Variants in HMGCLL1 observed in about 807,000 individuals in gnomAD.
The protein encoded by HMGCLL1 is 3-hydroxymethyl-3-methylglutaryl-CoA lyase, cytoplasmic.
HMGCLL1 carries 36 observed loss-of-function variants against 39.1 expected under a neutral mutation model. That is an observed-to-expected ratio of 0.92 (90% CI 0.71 to 1.22). The LOEUF is 1.22. Ranked by LOEUF, HMGCLL1 falls within the 50% of genes most tolerant of loss-of-function variation. The pLI, the probability that HMGCLL1 is intolerant of heterozygous loss-of-function variation, is 0.00. For missense variants in HMGCLL1, 451 were observed against 416.5 expected (o/e 1.08, Z -0.72); for synonymous variants, 149 against 144.0 (o/e 1.03, Z -0.25).
chr6:55,538,600 G>C (rs538360557), intron 3 of HMGCLL1, among the ~76,000 whole-genome samples: 2 of 152,030 alleles, frequency 1.3e-5, no homozygotes, highest in Non-Finnish European at 2.9e-5. Flanking sequence ...CATTATACAG[G>C]ACCAAATACA....
chr6:55,456,868 A>C (rs952659406), intron 7 of HMGCLL1, among the ~76,000 whole-genome samples: 1 of 152,122 alleles, frequency 6.6e-6, no homozygotes. Context: ...GTGCCTCCTT[A>C]ACAGTGAAGC....
chr6:55,521,592 T>A (rs757872673), intron 3 of HMGCLL1, among the ~76,000 whole-genome samples: 6 of 152,078 alleles, frequency 3.9e-5, no homozygotes, highest in Non-Finnish European at 8.8e-5. Flanking sequence ...CACTGATCTT[T>A]GATTTTACTA....
At chr6:55,500,276 G>T (rs747043463) in intron 5 of HMGCLL1, among the ~76,000 whole-genome samples, 5 of 151,916 alleles carry the variant, frequency 3.3e-5, no homozygotes, top group African/African-American at 4.8e-5. Context: ...AAATTATTAC[G>T]TAAGGTAGTG....
At chr6:55,454,112 A>T (rs556044314) in intron 7 of HMGCLL1, among the ~76,000 whole-genome samples, 12 of 152,242 alleles carry the variant, frequency 7.9e-5, no homozygotes, top group South Asian at 6.2e-4. Context: ...GAGTGATTTC[A>T]TGTCTTTGGT....
chr6:55,607,593 A>C, the HMGCLL1 span, among the ~76,000 whole-genome samples: 1 of 152,278 alleles, frequency 6.6e-6, no homozygotes, highest in Admixed American at 6.5e-5. Context: ...AAGGAAATAA[A>C]GGACCAGCAT....
chr6:55,525,714 T>C (rs1768282170), intron 3 of HMGCLL1, among the ~76,000 whole-genome samples: 1 of 151,950 alleles, frequency 6.6e-6, no homozygotes, highest in Non-Finnish European at 1.5e-5. Flanking sequence ...ATATTCTGTA[T>C]TGGCCCCAAT....
At chr6:55,497,633 G>A (rs527766883) in intron 6 of HMGCLL1, among the ~76,000 whole-genome samples, 37 of 152,150 alleles carry the variant, frequency 2.4e-4, no homozygotes, top group Admixed American at 5.2e-4. Flanking sequence ...CAAAGAAACA[G>A]GATTCTAAGA....
the HMGCLL1 span, among the ~76,000 whole-genome samples, chr6:55,646,922 A>C: frequency 2.6e-5 from 4 of 151,520 alleles, no homozygotes; most frequent in African/African-American, 9.7e-5. Context: ...AGTGTAGATT[A>C]AGTATGATAT....
At chr6:55,440,820 G>C (rs1409119776) in intron 7 of HMGCLL1, among the ~76,000 whole-genome samples, 1 of 152,082 alleles carries the variant, frequency 6.6e-6, no homozygotes, top group Non-Finnish European at 1.5e-5. Context: ...GACAGCTGCT[G>C]CTCATGTGGG....
the HMGCLL1 span, among the ~76,000 whole-genome samples, chr6:55,643,957 T>A: frequency 6.6e-6 from 1 of 152,044 alleles, no homozygotes; most frequent in Non-Finnish European, 1.5e-5. Flanking sequence ...TAGCTTTATT[T>A]TTAGTTTTTT....
chr6:55,538,281 T>C (rs964436453), intron 3 of HMGCLL1, among the ~76,000 whole-genome samples: 1 of 152,212 alleles, frequency 6.6e-6, no homozygotes. Flanking sequence ...AATATAACTT[T>C]AGTTGGTCAA....
At chr6:55,523,119 A>G (rs889974863) in intron 3 of HMGCLL1, among the ~76,000 whole-genome samples, 1 of 148,136 alleles carries the variant, frequency 6.8e-6, no homozygotes, top group African/African-American at 2.5e-5. Flanking sequence ...TGACTGAGTC[A>G]AGCATCACCA....
chr6:55,507,972 C>T (rs1286407985), intron 5 of HMGCLL1, among the ~76,000 whole-genome samples: 4 of 151,568 alleles, frequency 2.6e-5, no homozygotes, highest in Admixed American at 6.6e-5. Context: ...TCTAGGGTTT[C>T]TGTCCAGTTG....
chr6:55,583,527 A>G (rs898005809), upstream of HMGCLL1, among the ~76,000 whole-genome samples: 1 of 152,080 alleles, frequency 6.6e-6, no homozygotes, highest in Admixed American at 6.6e-5. Flanking sequence ...ACATGAACTC[A>G]TCCTTTTTTA....
At chr6:55,588,099 A>G in the HMGCLL1 span, among the ~76,000 whole-genome samples, 2 of 152,198 alleles carry the variant, frequency 1.3e-5, no homozygotes, top group African/African-American at 4.8e-5. Context: ...AACAGAATAT[A>G]CATTCTTCTC....
chr6:55,461,024 CT>C (rs1400978221), intron 7 of HMGCLL1, among the ~76,000 whole-genome samples: 1 of 151,770 alleles, frequency 6.6e-6, no homozygotes, highest in African/African-American at 2.4e-5. Context: ...ACTCTTTGCC[CT>C]TAGGGTGCTG....
chr6:55,545,940 A>G (rs1769940029), intron 1 of HMGCLL1, among the ~76,000 whole-genome samples: 1 of 152,162 alleles, frequency 6.6e-6, no homozygotes, highest in Non-Finnish European at 1.5e-5. Context: ...AGGTAACACC[A>G]GCATATGCAA....
intron 7 of HMGCLL1, among the ~76,000 whole-genome samples, chr6:55,441,150 G>A (rs542821348): frequency 6.6e-6 from 1 of 152,068 alleles, no homozygotes; most frequent in Non-Finnish European, 1.5e-5. Context: ...AAGGAGTGGG[G>A]TGGGGGTCAG....
At chr6:55,469,839 CA>C (rs1263022085) in intron 7 of HMGCLL1, among the ~76,000 whole-genome samples, 1 of 151,782 alleles carries the variant, frequency 6.6e-6, no homozygotes, top group African/African-American at 2.4e-5. Flanking sequence ...AAGTTATTTA[CA>C]ACTAGATCTG....
Sources: allele counts gnomAD v4.1 joint callset (sites outside exome capture counted in the v4.1 genomes callset), GRCh38; gene constraint gnomAD v4.1.1; transcripts MANE v1.5; gene names NCBI Gene and HGNC (gene_info 2026-07-23, HGNC 2026-07-21).